STARD13: variants seen among roughly 807,000 people sequenced by gnomAD.
The protein encoded by STARD13 is StAR related lipid transfer domain containing 13, also known as stAR-related lipid transfer protein 13.
Under a neutral mutation model 106.4 loss-of-function variants are expected in STARD13, and 62 were observed. That is an observed-to-expected ratio of 0.58 (90% CI 0.48 to 0.72). The LOEUF (loss-of-function observed/expected upper bound fraction) is 0.72. STARD13 is among the 30% of genes least tolerant of loss of function. The probability of loss-of-function intolerance (pLI) is 0.00; values close to 1 mark genes in which losing one functional copy is unlikely to be tolerated. For missense variants in STARD13, 1,387 were observed against 1,424.0 expected (o/e 0.97, Z 0.42); for synonymous variants, 565 against 553.0 (o/e 1.02, Z -0.31).
chr13:33,645,941 T>C, the STARD13 span, among the ~76,000 whole-genome samples: 57 of 152,314 alleles, frequency 3.7e-4, no homozygotes, highest in Admixed American at 3.4e-3. Context: ...AATTAAGAAT[T>C]CTGTGACATT....
At chr13:33,549,258 T>C in the STARD13 span, among the ~76,000 whole-genome samples, 1 of 152,324 alleles carries the variant, frequency 6.6e-6, no homozygotes, top group East Asian at 1.9e-4. Flanking sequence ...TTTCAAAATA[T>C]TAAGTGTCCT....
At chr13:33,459,769 T>C in the STARD13 span, among the ~76,000 whole-genome samples, 1 of 152,224 alleles carries the variant, frequency 6.6e-6, no homozygotes, top group Non-Finnish European at 1.5e-5. Flanking sequence ...TTTTTTATTA[T>C]TTTGTATGTG....
chr13:33,316,950 T>C (rs1430528422), intron 1 of STARD13, among the ~76,000 whole-genome samples: 2 of 152,180 alleles, frequency 1.3e-5, no homozygotes, highest in Admixed American at 6.5e-5. Flanking sequence ...TTGACACTTG[T>C]GATCAGTCTC....
the STARD13 span, among the ~76,000 whole-genome samples, chr13:33,442,353 T>A: frequency 3.9e-5 from 6 of 152,054 alleles, no homozygotes; most frequent in Non-Finnish European, 7.4e-5. Flanking sequence ...CATACATTAA[T>A]AATAATAATA....
intron 1 of STARD13, among the ~76,000 whole-genome samples, chr13:33,342,330 C>T (rs189842378): frequency 6.6e-6 from 1 of 152,304 alleles, no homozygotes; most frequent in East Asian, 1.9e-4. Flanking sequence ...TCCCATTATA[C>T]GTAGGCCCAA....
chr13:33,634,643 T>C, the STARD13 span, among the ~76,000 whole-genome samples: 32 of 152,198 alleles, frequency 2.1e-4, no homozygotes, highest in African/African-American at 5.8e-4. Flanking sequence ...TGCTTCTATG[T>C]TGTACCAGAA....
rs1263629787 is a variant in STARD13, at chr13:33,105,854, C to T, written c.3225-144G>A. The T allele has an allele frequency of 1.6e-5, 11 of 682,046 alleles. No homozygotes were observed. The East Asian group carries it at 1.7e-4, about 11-fold the overall frequency. 42.2% of individuals were successfully genotyped at this position (682,046 alleles called of 1,614,324 possible). On this transcript the variant is annotated intron_variant, in intron 13 of 13. Transcript: ENST00000336934. ...GGCTGCTGCCTTGAGGGGCTCAGGA[C>T]GTCATTCTGCCATCAGGGGCCTTGA...
chr13:33,591,319 T>C, the STARD13 span, among the ~76,000 whole-genome samples: 5 of 152,220 alleles, frequency 3.3e-5, no homozygotes, highest in African/African-American at 1.2e-4. Context: ...ATTTATCATG[T>C]AAAAAAAGGA....
chr13:33,624,467 T>C, the STARD13 span, among the ~76,000 whole-genome samples: 6 of 152,232 alleles, frequency 3.9e-5, no homozygotes, highest in Non-Finnish European at 8.8e-5. Context: ...AACAGCACTA[T>C]CAGCATTTAT....
the STARD13 span, among the ~76,000 whole-genome samples, chr13:33,557,181 A>T: frequency 6.6e-6 from 1 of 150,760 alleles, no homozygotes; most frequent in Non-Finnish European, 1.5e-5. Context: ...TCCCCCCTCC[A>T]CTTCCTCTCC....
At chr13:33,528,959 C>T in the STARD13 span, among the ~76,000 whole-genome samples, 223 of 152,232 alleles carry the variant, frequency 1.5e-3, no homozygotes, top group African/African-American at 5.0e-3. Flanking sequence ...ATGCCTCTGC[C>T]ATCTCATTGG....
the STARD13 span, among the ~76,000 whole-genome samples, chr13:33,372,244 C>T: frequency 2.0e-5 from 3 of 152,138 alleles, no homozygotes; most frequent in South Asian, 2.1e-4. Flanking sequence ...AATAGGGAGT[C>T]ATAATGAAGG....
chr13:33,523,174 T>A, the STARD13 span, among the ~76,000 whole-genome samples: 1 of 152,204 alleles, frequency 6.6e-6, no homozygotes, highest in South Asian at 2.1e-4. Flanking sequence ...AGGAGGAGGT[T>A]AGAAGATGGG....
the STARD13 span, among the ~76,000 whole-genome samples, chr13:33,550,612 G>A: frequency 6.6e-6 from 1 of 152,158 alleles, no homozygotes; most frequent in Non-Finnish European, 1.5e-5. Flanking sequence ...CCTTAACGCT[G>A]TGCTTTTTCT....
the STARD13 span, among the ~76,000 whole-genome samples, chr13:33,662,155 G>C: frequency 6.6e-6 from 1 of 151,644 alleles, no homozygotes; most frequent in Non-Finnish European, 1.5e-5. Flanking sequence ...CCAGCTACTC[G>C]GGAAGCTGAG....
chr13:33,391,910 C>T, the STARD13 span, among the ~76,000 whole-genome samples: 1 of 152,110 alleles, frequency 6.6e-6, no homozygotes, highest in Non-Finnish European at 1.5e-5. Context: ...GGAAAGAACT[C>T]AGAGAAGAGT....
intron 1 of STARD13, among the ~76,000 whole-genome samples, chr13:33,204,395 T>C (rs1424371487): frequency 6.6e-6 from 1 of 152,194 alleles, no homozygotes; most frequent in Non-Finnish European, 1.5e-5. Flanking sequence ...ATTTCCTTCC[T>C]CTCATTTTTC....
chr13:33,387,403 T>C, the STARD13 span, among the ~76,000 whole-genome samples: 1 of 152,168 alleles, frequency 6.6e-6, no homozygotes, highest in Non-Finnish European at 1.5e-5. Context: ...AACATTCTAG[T>C]CTGTGCCCAT....
intron 3 of STARD13, among the ~76,000 whole-genome samples, chr13:33,142,778 T>C (rs868031949): frequency 6.6e-6 from 1 of 152,236 alleles, no homozygotes. Context: ...TCTTCTCTCC[T>C]GATCTCAGGT....
Sources: gnomAD v4.1 joint callset for allele counts (sites outside exome capture counted in the v4.1 genomes callset) on GRCh38, gnomAD v4.1.1 for gene constraint, MANE v1.5 for transcripts, NCBI Gene and HGNC (gene_info 2026-07-23, HGNC 2026-07-21) for gene names.